ZNF804B: variants seen among roughly 807,000 people sequenced by gnomAD.
The protein encoded by ZNF804B is zinc finger 804B.
In ZNF804B, 80 loss-of-function variants were observed where a neutral mutation model predicts 101.4. The observed-to-expected ratio is 0.79, with a 90% CI of 0.66 to 0.95. The LOEUF (loss-of-function observed/expected upper bound fraction) is 0.95, where lower values mean the gene tolerates loss of function less well. Ranked by LOEUF, ZNF804B falls within the 40% of genes least tolerant of loss-of-function variation. The pLI is 0.00. For synonymous variants in ZNF804B, 622 were observed against 558.8 expected (o/e 1.11, Z -1.59); for missense variants, 1,673 against 1,561.9 (o/e 1.07, Z -1.20).
At chr7:89,173,860 G>GACAC (rs1417926520) in intron 1 of ZNF804B, among the ~76,000 whole-genome samples, 2 of 151,972 alleles carry the variant, frequency 1.3e-5, no homozygotes, top group African/African-American at 4.8e-5. Context: ...AAGGGACTGT[G>GACAC]ACACAGCATG....
chr7:89,336,125 C>A lies in ZNF804B; in HGVS notation c.3143C>A (p.Thr1048Lys), dbSNP rs778405116. 6.2e-7 allele frequency: 1 copy of A among 1,613,838 alleles called. No individual in the cohort carries two copies. Among genetic ancestry groups the A allele is most frequent in the Admixed American group, 1.7e-5 (1 of 59,948 alleles). The change falls in exon 4 of 4, where the codon ACA becomes AAA. Residue 1048 changes from threonine (T) to lysine (K), a missense_variant. Physicochemically the swap from Thr to Lys is moderately conservative, Grantham distance 78. Transcript: ENST00000333190. Reference protein sequence around the residue: ...QSLNIKRDATTKEQSKPLISE... With the variant: ...QSLNIKRDATKKEQSKPLISE... ...CTAAACATAAAAAGGGATGCAACAACAAAAGAACAATCAAAACCTTTAATT... is the reference window on the plus strand; with the variant it reads ...CTAAACATAAAAAGGGATGCAACAAAAAAAGAACAATCAAAACCTTTAATT...
At chr7:89,328,451 A>G (rs1010675596) in intron 3 of ZNF804B, among the ~76,000 whole-genome samples, 12 of 152,056 alleles carry the variant, frequency 7.9e-5, no homozygotes, top group South Asian at 6.2e-4. Flanking sequence ...GACAAAATAA[A>G]GGTACAACAT....
chr7:89,204,992 G>A (rs1788694592), intron 1 of ZNF804B, among the ~76,000 whole-genome samples: 1 of 152,062 alleles, frequency 6.6e-6, no homozygotes, highest in African/African-American at 2.4e-5. Flanking sequence ...TGACTCACAG[G>A]TCCACATGGC....
intron 2 of ZNF804B, among the ~76,000 whole-genome samples, chr7:89,261,532 C>A (rs1789712611): frequency 6.6e-6 from 1 of 152,098 alleles, no homozygotes; most frequent in African/African-American, 2.4e-5. Flanking sequence ...TACAGTCATG[C>A]ATCTTTTTAA....
At chr7:88,800,457 G>A (rs917907520) in intron 1 of ZNF804B, among the ~76,000 whole-genome samples, 1 of 152,084 alleles carries the variant, frequency 6.6e-6, no homozygotes, top group Non-Finnish European at 1.5e-5. Context: ...GTAGAAAAAT[G>A]TGCCAGGCTC....
intron 1 of ZNF804B, among the ~76,000 whole-genome samples, chr7:89,057,783 A>T (rs1789319818): frequency 6.6e-6 from 1 of 152,010 alleles, no homozygotes. Context: ...TGTACTATTA[A>T]ATTTTTGGTC....
At chr7:89,070,694 A>G (rs1789522638) in intron 1 of ZNF804B, among the ~76,000 whole-genome samples, 1 of 152,168 alleles carries the variant, frequency 6.6e-6, no homozygotes, top group Non-Finnish European at 1.5e-5. Flanking sequence ...GTAAGAATTT[A>G]GTAAGATTTA....
chr7:88,948,625 G>C (rs897424835), intron 1 of ZNF804B, among the ~76,000 whole-genome samples: 1 of 151,802 alleles, frequency 6.6e-6, no homozygotes, highest in Non-Finnish European at 1.5e-5. Flanking sequence ...CATCTGATAA[G>C]AGCCCTGCCT....
intron 1 of ZNF804B, among the ~76,000 whole-genome samples, chr7:89,147,380 G>T (rs1451351213): frequency 6.6e-6 from 1 of 151,962 alleles, no homozygotes; most frequent in Non-Finnish European, 1.5e-5. Context: ...TTAAAATTGT[G>T]TTTGCTTTCC....
chr7:89,151,899 G>A (rs186791556), intron 1 of ZNF804B, among the ~76,000 whole-genome samples: 1 of 152,190 alleles, frequency 6.6e-6, no homozygotes, highest in East Asian at 1.9e-4. Context: ...AGATACCTAA[G>A]TGGGTTTGTT....
intron 1 of ZNF804B, among the ~76,000 whole-genome samples, chr7:88,805,977 T>C (rs62462040): frequency 2.7e-5 from 4 of 146,362 alleles, no homozygotes; most frequent in African/African-American, 1.0e-4. Flanking sequence ...TTTTTTTTTT[T>C]CCTAACTCAG....
In ZNF804B at chr7:89,195,088, C is replaced by T. The variant is rs534212013; in HGVS notation, c.109-23067C>T. ...ATATAAACAGAACCAAAGACAAAAA[C>T]CACATGATTATCTCAATAGATGCAG... On this transcript the variant is annotated intron_variant, in intron 1 of 3. Coordinates refer to ENST00000333190, the MANE Select transcript of ZNF804B (RefSeq NM_181646.5). 2.9e-3 allele frequency among the ~76,000 whole-genome samples: 441 copies of T among 151,356 alleles called. 2 individuals carry two copies. Among genetic ancestry groups the T allele is most frequent in the African/African-American group, 0.01 (418 of 41,262 alleles).
intron 1 of ZNF804B, among the ~76,000 whole-genome samples, chr7:88,844,132 A>G (rs1791333156): frequency 6.6e-6 from 1 of 152,156 alleles, no homozygotes; most frequent in Non-Finnish European, 1.5e-5. Flanking sequence ...TAAATTACAG[A>G]TATGATACCT....
intron 1 of ZNF804B, among the ~76,000 whole-genome samples, chr7:88,762,456 C>G (rs1378339504): frequency 1.3e-5 from 2 of 152,116 alleles, no homozygotes; most frequent in South Asian, 2.1e-4. Context: ...GACCTTAGAC[C>G]CTTACACACT....
At chr7:89,003,286 C>G (rs1166880811) in intron 1 of ZNF804B, among the ~76,000 whole-genome samples, 1 of 151,964 alleles carries the variant, frequency 6.6e-6, no homozygotes, top group Non-Finnish European at 1.5e-5. Context: ...GACTAAGGCA[C>G]TGCAGATTTA....
At chr7:89,325,101 G>C (rs1022071052) in intron 2 of ZNF804B, among the ~76,000 whole-genome samples, 1 of 151,770 alleles carries the variant, frequency 6.6e-6, no homozygotes, top group African/African-American at 2.4e-5. Context: ...TTCTTAAACT[G>C]TTTCAGATGA....
At chr7:89,052,305 T>G (rs1254278354) in intron 1 of ZNF804B, among the ~76,000 whole-genome samples, 1 of 152,062 alleles carries the variant, frequency 6.6e-6, no homozygotes, top group African/African-American at 2.4e-5. Context: ...TCCCAGCTAA[T>G]ATTTTTTAAT....
chr7:89,279,776 G>A (rs928965253), intron 2 of ZNF804B, among the ~76,000 whole-genome samples: 75 of 151,896 alleles, frequency 4.9e-4, no homozygotes, highest in African/African-American at 1.7e-3. Flanking sequence ...GAGGATTTTT[G>A]CATCAATGTT....
chr7:88,950,012 G>A (rs1311091426), intron 1 of ZNF804B, among the ~76,000 whole-genome samples: 1 of 151,846 alleles, frequency 6.6e-6, no homozygotes, highest in Non-Finnish European at 1.5e-5. Flanking sequence ...AGCAATGCAT[G>A]ACTTATATAG....
Sources: gnomAD v4.1 joint callset for allele counts (sites outside exome capture counted in the v4.1 genomes callset) on GRCh38, gnomAD v4.1.1 for gene constraint, MANE v1.5 for transcripts, NCBI Gene and HGNC (gene_info 2026-07-23, HGNC 2026-07-21) for gene names.